VLDLR: variants seen among roughly 807,000 people sequenced by gnomAD.
The protein encoded by VLDLR is very low density lipoprotein receptor.
In VLDLR, 81 loss-of-function variants were observed where a neutral mutation model predicts 112.7. That is an observed-to-expected ratio of 0.72 (90% CI 0.60 to 0.86). The LOEUF (loss-of-function observed/expected upper bound fraction) is 0.86, where lower values mean the gene tolerates loss of function less well. VLDLR is among the 40% of genes least tolerant of loss of function. VLDLR has a pLI of 0.00. For missense variants in VLDLR, 1,237 were observed against 1,099.4 expected (o/e 1.13, Z -1.77); for synonymous variants, 436 against 384.8 (o/e 1.13, Z -1.56).
At position 2,645,851 on chromosome 9, in the gene VLDLR, G is replaced by C. The variant is rs1818047176; in HGVS notation, c.1484+106G>C. The C allele has an allele frequency of 3.0e-6, 4 of 1,313,718 alleles. No individual in the cohort carries two copies. In the East Asian group the frequency reaches 9.2e-5, roughly 30 times the overall value. 81.4% of individuals were successfully genotyped at this position (1,313,718 alleles called of 1,614,324 possible). ...TTTCTTTTGTGTCTAGCCCCATCTA[G>C]CATCGAATTACCTGGGGACATTAAA... is the stretch of plus-strand genomic sequence containing the variant. On this transcript the variant is annotated intron_variant, in intron 10 of 18. Transcript: ENST00000382100.
rs916420948 is a variant in VLDLR at position 2,651,912 on chromosome 9, C to T, written c.2374C>T (p.Pro792Ser). 1.9e-6 allele frequency: 3 copies of T among 1,613,958 alleles called. No individual in the cohort carries two copies. Among genetic ancestry groups the T allele is most frequent in the African/African-American group, 2.7e-5 (2 of 74,916 alleles). Residue 792 changes from proline (P) to serine (S), a missense_variant, in exon 17 of 19, where the codon CCC (proline) becomes TCC (serine). Coordinates refer to ENST00000382100, the MANE Select transcript of VLDLR (RefSeq NM_003383.5). ...VTTAVSEVSV[P>S]PKGTSAAWAI... is the part of the protein sequence containing the mutation. Reference sequence around the variant, plus strand: ...CACAGCAGTATCAGAGGTCAGTGTTCCCCCAAAAGGGACTTCTGCCGCATG... The same window carrying T: ...CACAGCAGTATCAGAGGTCAGTGTTTCCCCAAAAGGGACTTCTGCCGCATG...
At chr9:2,637,584 C>G (rs1474771970) in intron 2 of VLDLR, among the ~76,000 whole-genome samples, 4 of 152,166 alleles carry the variant, frequency 2.6e-5, no homozygotes, top group Non-Finnish European at 4.4e-5. Flanking sequence ...CTCTGTTTAT[C>G]TTTTGCTCAA....
At position 2,643,423 on chromosome 9, in the gene VLDLR, A is replaced by G. The variant is rs1817916586; in HGVS notation, c.712A>G (p.Lys238Glu). The G allele has an allele frequency of 6.2e-7, 1 of 1,614,176 alleles. No individual in the cohort carries two copies. The change falls in exon 5 of 19, where the codon AAG becomes GAG. Residue 238 changes from lysine (K) to glutamate (E), a missense_variant. Physicochemically the swap from Lys to Glu is moderately conservative, Grantham distance 56. Transcript: ENST00000382100. The part of the protein sequence containing the change: ...QCGRQPVIHT[K>E]CPASEIQCGS... The stretch of plus-strand genomic sequence containing the variant: ...TGGCCGTCAGCCAGTCATACACACC[A>G]AGTGTCCAGCCAGCGAAATCCAGTG...
At position 2,657,847 on chromosome 9, in the gene VLDLR, T is replaced by C. The variant is rs1818660105; in HGVS notation, c.*3979T>C. On this transcript the variant is annotated 3_prime_UTR_variant, in exon 19 of 19. Coordinates refer to ENST00000382100, the MANE Select transcript of VLDLR (RefSeq NM_003383.5). ...ATAGTCTCTAAGGCCAGAAGGGGCTTATAATGACTTCTCTTCTAGAATTGT... is the reference window on the plus strand; with the variant it reads ...ATAGTCTCTAAGGCCAGAAGGGGCTCATAATGACTTCTCTTCTAGAATTGT... The C allele has an allele frequency of 6.6e-6, 1 of 152,220 alleles. No individual in the cohort carries two copies. 9.4% of individuals were successfully genotyped at this position (152,220 alleles called of 1,614,324 possible).
At chr9:2,627,748 C>G (rs954552240) in intron 1 of VLDLR, among the ~76,000 whole-genome samples, 2 of 151,730 alleles carry the variant, frequency 1.3e-5, no homozygotes, top group African/African-American at 4.8e-5. Context: ...GCCTGTAATC[C>G]CAGCTACTCA....
intron 4 of VLDLR, among the ~76,000 whole-genome samples, chr9:2,641,780 T>C (rs1245088613): frequency 6.6e-6 from 1 of 152,166 alleles, no homozygotes; most frequent in African/African-American, 2.4e-5. Context: ...GAAGCAGCAA[T>C]TGTGTGGGCT....
At chr9:2,649,564 G>T (rs1042914564) in intron 14 of VLDLR, among the ~76,000 whole-genome samples, 2 of 152,052 alleles carry the variant, frequency 1.3e-5, no homozygotes, top group African/African-American at 4.8e-5. Flanking sequence ...GCTAAACTTT[G>T]TATCTTTAGT....
chr9:2,638,733 T>C (rs556455745), intron 2 of VLDLR, among the ~76,000 whole-genome samples: 3 of 152,190 alleles, frequency 2.0e-5, no homozygotes, highest in Non-Finnish European at 4.4e-5. Flanking sequence ...AAAAATTGCA[T>C]GGTAACCCTA....
rs142885301 is a variant in VLDLR at position 2,644,799 on chromosome 9, T to C, written c.1132T>C (p.Tyr378His). Residue 378 changes from tyrosine (Y) to histidine (H), a missense_variant, in exon 8 of 19, where the codon TAC (tyrosine) becomes CAC (histidine). Tyr to His is a moderately conservative substitution (Grantham distance 83, BLOSUM62 2). Coordinates refer to ENST00000382100, the MANE Select transcript of VLDLR (RefSeq NM_003383.5). ...SHICKDLVIG[Y>H]ECDCAAGFEL... is the part of the protein sequence containing the mutation. The stretch of plus-strand genomic sequence containing the variant: ...TATCTGCAAAGACCTAGTTATAGGC[T>C]ACGAGTGTGACTGTGCAGCTGGGTT... 3.8e-4 allele frequency: 606 copies of C among 1,614,094 alleles called. No homozygotes were observed. Among genetic ancestry groups the C allele is most frequent in the Non-Finnish European group, 4.8e-4 (565 of 1,180,034 alleles).
In VLDLR at chr9:2,657,652, A is replaced by ACTG. The variant is rs1274634766; in HGVS notation, c.*3795_*3797dup. On this transcript the variant is annotated 3_prime_UTR_variant, in exon 19 of 19. Coordinates refer to ENST00000382100, the MANE Select transcript of VLDLR (RefSeq NM_003383.5). ...AGCAGCGATAGTTGCGTCAGTGCTAACTGCTGCTGCTGCCCGTTCTGTTGG... is the reference window on the plus strand; with the variant it reads ...AGCAGCGATAGTTGCGTCAGTGCTAACTGCTGCTGCTGCTGCCCGTTCTGTTGG... 1 of 152,278 alleles carries ACTG rather than the reference A, an allele frequency of 6.6e-6. No homozygotes were observed. The highest frequency in any genetic ancestry group is 2.4e-5 in the African/African-American group (1 of 41,452). 9.4% of individuals were successfully genotyped at this position (152,278 alleles called of 1,614,324 possible).
intron 10 of VLDLR, among the ~76,000 whole-genome samples, 161 bp downstream of exon 10, chr9:2,645,906 T>C (rs978104151): frequency 1.3e-5 from 2 of 152,230 alleles, no homozygotes; most frequent in South Asian, 2.1e-4. Flanking sequence ...TAAACTGTTA[T>C]CACTTCCTAA....
At position 2,655,972 on chromosome 9, in the gene VLDLR, G is replaced by GT. The variant is rs941088138; in HGVS notation, c.*2105dup. 2.0e-5 allele frequency: 3 copies of GT among 151,610 alleles called. No individual in the cohort carries two copies. The highest frequency in any genetic ancestry group is 6.6e-5 in the Admixed American group (1 of 15,212). The allele number at this position is 151,610 out of a possible 1,614,324, so 9.4% of individuals were successfully genotyped here. A position where few individuals can be genotyped will look rare whatever the true frequency, so the allele number is the denominator to read the frequency against. On this transcript the variant is annotated 3_prime_UTR_variant, in exon 19 of 19. Coordinates refer to ENST00000382100, the MANE Select transcript of VLDLR (RefSeq NM_003383.5). ...ATGGATTTTTTTTTTTTTAACTGGA[G>GT]TAATACCAAATTCCCTTTAGAAGCT...
chr9:2,652,691 AATT>A, intron 17 of VLDLR, 86 bp from the exon 18 acceptor site: 1 of 1,552,682 alleles, frequency 6.4e-7, no homozygotes, highest in Non-Finnish European at 8.9e-7. Context: ...TACTAATGTC[AATT>A]ATTATGGATT....
Position 2,652,784 on chromosome 9 carries a change from C to T in VLDLR, c.2421C>T (p.Leu807=), listed in dbSNP as rs1253441977. 1 of 1,613,986 alleles carries T rather than the reference C, an allele frequency of 6.2e-7. No homozygotes were observed. Among genetic ancestry groups the T allele is most frequent in the Non-Finnish European group, 8.5e-7 (1 of 1,179,964 alleles). ...CTACCCTCTGATTTTTTTCAGTGCT[C>T]TTAGTGATGGCAGCAGTAGGTGGCT... ...SAAWAILPLL[L]LVMAAVGGYL... Residue 807 remains leucine, a synonymous_variant, in exon 18 of 19, where the codon CTC becomes CTT. Transcript: ENST00000382100.
At chr9:2,624,593 GT>G (rs938009463) in intron 1 of VLDLR, among the ~76,000 whole-genome samples, 1 of 152,168 alleles carries the variant, frequency 6.6e-6, no homozygotes, top group Non-Finnish European at 1.5e-5. Context: ...AAGAACCAAG[GT>G]TTTTTGAGAG....
intron 1 of VLDLR, among the ~76,000 whole-genome samples, chr9:2,628,875 T>C (rs1193160244): frequency 6.6e-6 from 1 of 152,200 alleles, no homozygotes; most frequent in Non-Finnish European, 1.5e-5. Flanking sequence ...TCATGTGTAT[T>C]GTAAAAGAGG....
intron 1 of VLDLR, among the ~76,000 whole-genome samples, chr9:2,623,764 C>T (rs1452246766): frequency 6.6e-6 from 1 of 152,126 alleles, no homozygotes; most frequent in African/African-American, 2.4e-5. Context: ...GGGCTGTTCT[C>T]TCAAATGCCT....
rs771268198 is a variant in VLDLR, at chr9:2,644,983, A to C, written c.1213A>C (p.Ile405Leu). The C allele has an allele frequency of 4.3e-6, 7 of 1,614,210 alleles. No homozygotes were observed. In the Admixed American group the frequency reaches 1.2e-4, roughly 27 times the overall value. The change falls in exon 9 of 19, where the codon ATC becomes CTC. Residue 405 changes from isoleucine to leucine, a missense_variant. Coordinates refer to ENST00000382100, the MANE Select transcript of VLDLR (RefSeq NM_003383.5). ...TATTGATGAATGCCAAAATCCAGGAATCTGCAGTCAAATTTGTATCAACTT... is the reference window on the plus strand; with the variant it reads ...TATTGATGAATGCCAAAATCCAGGACTCTGCAGTCAAATTTGTATCAACTT... ...GDIDECQNPG[I>L]CSQICINLKG... is the part of the protein sequence containing the mutation.
intron 14 of VLDLR, among the ~76,000 whole-genome samples, chr9:2,649,177 C>A (rs543520036): frequency 1.8e-4 from 28 of 152,242 alleles, no homozygotes; most frequent in African/African-American, 6.7e-4. Flanking sequence ...AATGAAGTAC[C>A]ACAGACTATC....
Sources: allele counts gnomAD v4.1 joint callset (sites outside exome capture counted in the v4.1 genomes callset), GRCh38; gene constraint gnomAD v4.1.1; transcripts MANE v1.5; gene names NCBI Gene and HGNC (gene_info 2026-07-23, HGNC 2026-07-21).